CBLB: variants seen among roughly 807,000 people sequenced by gnomAD.
CBLB encodes Cbl proto-oncogene B.
In CBLB, 31 loss-of-function variants were observed where a neutral mutation model predicts 104.9. The observed-to-expected ratio is 0.30, with a 90% CI of 0.22 to 0.40. CBLB has a LOEUF of 0.40. CBLB is among the 10% of genes least tolerant of loss of function. The probability of loss-of-function intolerance (pLI) is 1.00; values close to 1 mark genes in which losing one functional copy is unlikely to be tolerated. For missense variants in CBLB, 1,062 were observed against 1,214.6 expected (o/e 0.87, Z 1.87); for synonymous variants, 440 against 422.6 (o/e 1.04, Z -0.51).
chr3:105,867,695 A>C, intron 1 of CBLB, 104 bp from the exon 2 acceptor site: 1 of 936,580 alleles, frequency 1.1e-6, no homozygotes, highest in Non-Finnish European at 1.7e-6. Flanking sequence ...TCCTCCATCG[A>C]TTAGAGCAAA....
At chr3:105,767,973 C>G (rs966644423) in intron 4 of CBLB, among the ~76,000 whole-genome samples, 10 of 151,982 alleles carry the variant, frequency 6.6e-5, no homozygotes, top group African/African-American at 2.4e-4. Flanking sequence ...CAAGCAGGCT[C>G]CATCTCACAC....
chr3:105,717,406 C>G (rs933992225), intron 10 of CBLB, among the ~76,000 whole-genome samples: 4 of 152,100 alleles, frequency 2.6e-5, no homozygotes, highest in Admixed American at 6.5e-5. Flanking sequence ...TGTCCTAGAC[C>G]TGGGGCTGCA....
chr3:105,813,298 G>A (rs2084556918), intron 3 of CBLB, among the ~76,000 whole-genome samples: 1 of 152,000 alleles, frequency 6.6e-6, no homozygotes, highest in Non-Finnish European at 1.5e-5. Context: ...TTTCACAGAG[G>A]AAAATATTTT....
At chr3:105,781,477 GATC>G (rs1055231262) in intron 3 of CBLB, among the ~76,000 whole-genome samples, 2 of 152,102 alleles carry the variant, frequency 1.3e-5, no homozygotes, top group African/African-American at 4.8e-5. Context: ...AACATGAAGA[GATC>G]ATCATAATAC....
intron 18 of CBLB, among the ~76,000 whole-genome samples, chr3:105,665,044 C>CA (rs1442936896): frequency 4.6e-5 from 7 of 152,270 alleles, no homozygotes; most frequent in African/African-American, 1.7e-4. Context: ...ACACTTTCTG[C>CA]AGCAGCTTGA....
intron 10 of CBLB, among the ~76,000 whole-genome samples, chr3:105,707,187 TA>T (rs2070287268): frequency 6.6e-6 from 1 of 152,220 alleles, no homozygotes; most frequent in Non-Finnish European, 1.5e-5. Context: ...AACTTTTAGA[TA>T]CTTCCAGACG....
At chr3:105,665,416 AAT>A (rs71111381) in intron 18 of CBLB, among the ~76,000 whole-genome samples, 8 of 98,654 alleles carry the variant, frequency 8.1e-5, no homozygotes, top group East Asian at 3.7e-4. Flanking sequence ...TAAATAAATA[AAT>A]ATATATATAT....
intron 18 of CBLB, among the ~76,000 whole-genome samples, chr3:105,666,328 C>T (rs2152686923): frequency 6.6e-6 from 1 of 152,186 alleles, no homozygotes; most frequent in Middle Eastern, 3.4e-3. Flanking sequence ...TGTTATTCTA[C>T]TAGAAGTTGG....
chr3:105,778,618 G>C (rs985778656), intron 3 of CBLB, among the ~76,000 whole-genome samples: 13 of 151,926 alleles, frequency 8.6e-5, no homozygotes, highest in Non-Finnish European at 1.9e-4. Context: ...TTGATGAAAG[G>C]GGGGAGGGCA....
intron 6 of CBLB, among the ~76,000 whole-genome samples, chr3:105,744,463 A>G (rs1310006276): frequency 6.6e-6 from 1 of 152,200 alleles, no homozygotes; most frequent in Non-Finnish European, 1.5e-5. Context: ...CATGGTTACA[A>G]TGAGAACTAA....
intron 3 of CBLB, among the ~76,000 whole-genome samples, chr3:105,811,116 T>G (rs2084234769): frequency 6.6e-6 from 1 of 152,216 alleles, no homozygotes; most frequent in Non-Finnish European, 1.5e-5. Flanking sequence ...GAAACCTTAA[T>G]TAGGCCTTTC....
In CBLB at chr3:105,802,395, A is replaced by T. The variant is rs146940325; in HGVS notation, c.420-25853T>A. Among the ~76,000 whole-genome samples, 47 of 152,106 alleles carry T rather than the reference A, an allele frequency of 3.1e-4. No homozygotes were observed. In the East Asian group the frequency reaches 8.3e-3, roughly 27 times the overall value. On this transcript the variant is annotated intron_variant, in intron 3 of 18. Coordinates refer to ENST00000394030, the MANE Select transcript of CBLB (RefSeq NM_170662.5). ...AAGAGAATCCCTAGGTCACCATTAG[A>T]CTCTTAAAGGTATCTGTGAGCCAAA...
chr3:105,703,007 A>G (rs1309567540), intron 11 of CBLB, among the ~76,000 whole-genome samples: 1 of 152,234 alleles, frequency 6.6e-6, no homozygotes, highest in Non-Finnish European at 1.5e-5. Context: ...AAAAGATCAC[A>G]AGTAACAGAG....
intron 5 of CBLB, chr3:105,749,773 GA>G: frequency 3.3e-6 from 1 of 301,678 alleles, no homozygotes; most frequent in Non-Finnish European, 6.6e-6. Flanking sequence ...AACCTTTAAA[GA>G]AAGGAGAGGT....
intron 2 of CBLB, among the ~76,000 whole-genome samples, chr3:105,862,615 T>A (rs2153148928): frequency 6.6e-6 from 1 of 152,342 alleles, no homozygotes. Context: ...TTCTCTTAAT[T>A]CAAGCTTTAC....
chr3:105,756,071 G>A (rs972194901), intron 4 of CBLB, among the ~76,000 whole-genome samples: 10 of 152,240 alleles, frequency 6.6e-5, no homozygotes, highest in Admixed American at 2.6e-4. Context: ...TATATTTTCT[G>A]TATTTGTTCA....
chr3:105,711,389 C>G (rs541200932), intron 10 of CBLB, among the ~76,000 whole-genome samples: 5 of 152,106 alleles, frequency 3.3e-5, no homozygotes, highest in Admixed American at 2.6e-4. Flanking sequence ...TTACTTGCTA[C>G]TATTCTCAGT....
At chr3:105,764,458 T>C (rs554363717) in intron 4 of CBLB, among the ~76,000 whole-genome samples, 1 of 152,290 alleles carries the variant, frequency 6.6e-6, no homozygotes, top group Non-Finnish European at 1.5e-5. Flanking sequence ...GTGAAACAAA[T>C]AGTTTTTGGG....
upstream of CBLB, chr3:105,869,441 T>A (rs564036276): frequency 9.7e-5 from 127 of 1,312,952 alleles, 2 homozygotes; most frequent in South Asian, 1.5e-3. Flanking sequence ...AGTCTTTTGT[T>A]TCATAGCAAC....
Sources: gnomAD v4.1 joint callset for allele counts (sites outside exome capture counted in the v4.1 genomes callset) on GRCh38, gnomAD v4.1.1 for gene constraint, MANE v1.5 for transcripts, NCBI Gene and HGNC (gene_info 2026-07-23, HGNC 2026-07-21) for gene names.